Variants in SEMA3A observed in about 807,000 individuals in gnomAD.
SEMA3A encodes the protein semaphorin 3A.
In SEMA3A, 29 loss-of-function variants were observed where a neutral mutation model predicts 97.9. The observed-to-expected ratio is 0.30, with a 90% CI of 0.22 to 0.40. SEMA3A has a LOEUF of 0.40. Ranked by LOEUF, SEMA3A falls within the 10% of genes least tolerant of loss-of-function variation. The pLI, the probability that SEMA3A is intolerant of heterozygous loss-of-function variation, is 1.00. For synonymous variants in SEMA3A, 321 were observed against 323.7 expected (o/e 0.99, Z 0.09); for missense variants, 763 against 951.3 (o/e 0.80, Z 2.60).
At chr7:84,008,696 T>C (rs774293803) in intron 9 of SEMA3A, among the ~76,000 whole-genome samples, 2 of 152,154 alleles carry the variant, frequency 1.3e-5, no homozygotes, top group South Asian at 4.1e-4. Context: ...TAGTTTGTTA[T>C]TGGAAACTAC....
At chr7:84,128,757 A>G (rs946886839) in intron 3 of SEMA3A, among the ~76,000 whole-genome samples, 1 of 152,112 alleles carries the variant, frequency 6.6e-6, no homozygotes, top group Non-Finnish European at 1.5e-5. Context: ...AAATCCTGAA[A>G]TCTGCAATCC....
chr7:84,307,342 T>A (rs976798634), intron 2 of SEMA3A: 2 of 152,088 alleles, frequency 1.3e-5, no homozygotes, highest in Non-Finnish European at 2.9e-5. Context: ...AATCAAACAA[T>A]TACCAATCAA....
At chr7:84,113,391 T>A (rs1032540073) in intron 3 of SEMA3A, among the ~76,000 whole-genome samples, 1 of 152,184 alleles carries the variant, frequency 6.6e-6, no homozygotes, top group South Asian at 2.1e-4. Flanking sequence ...AAACAGGATA[T>A]TCATTTTATT....
intron 1 of SEMA3A, among the ~76,000 whole-genome samples, chr7:84,185,394 G>A (rs1797846567): frequency 6.6e-6 from 1 of 151,920 alleles, no homozygotes. Context: ...GGCTGGGTGT[G>A]GGTGTGGTGA....
chr7:84,103,197 C>A (rs1275454180), intron 4 of SEMA3A, among the ~76,000 whole-genome samples: 1 of 152,054 alleles, frequency 6.6e-6, no homozygotes, highest in African/African-American at 2.4e-5. Flanking sequence ...AATTCTCTCA[C>A]CATTTTTCTC....
At chr7:83,995,680 A>C (rs1790187407) in intron 12 of SEMA3A, among the ~76,000 whole-genome samples, 1 of 150,952 alleles carries the variant, frequency 6.6e-6, no homozygotes, top group Non-Finnish European at 1.5e-5. Context: ...AACTGGTTTC[A>C]GTTGCATTTA....
At position 84,265,950 on chromosome 7, in the gene SEMA3A, C is replaced by T. The variant is rs376414346; in HGVS notation, c.-83+41257G>A. Among the ~76,000 whole-genome samples the T allele has an allele frequency of 5.9e-5, 9 of 152,114 alleles. 1 individual carries two copies. Among genetic ancestry groups the T allele is most frequent in the Admixed American group, 1.3e-4 (2 of 15,258 alleles). ...TATGGCATGAATGACTTCTTAAATC[C>T]TAAAGAATTTGAATATAATTTAGTA... On this transcript the variant is annotated intron_variant, in intron 3 of 3. Coordinates refer to the SEMA3A transcript ENST00000424555.
intron 4 of SEMA3A, among the ~76,000 whole-genome samples, chr7:84,064,945 ACCC>A (rs1316649712): frequency 1.3e-5 from 2 of 152,246 alleles, no homozygotes; most frequent in African/African-American, 4.8e-5. Context: ...AGAACTCTCC[ACCC>A]CAAATCAACA....
At chr7:84,462,840 T>A (rs1003511417) in intron 1 of SEMA3A, among the ~76,000 whole-genome samples, 6 of 152,282 alleles carry the variant, frequency 3.9e-5, no homozygotes, top group African/African-American at 1.4e-4. Context: ...GATAGATAGA[T>A]AGATAGCAGT....
intron 14 of SEMA3A, among the ~76,000 whole-genome samples, chr7:83,977,541 T>C (rs910596236): frequency 6.6e-6 from 1 of 151,846 alleles, no homozygotes; most frequent in South Asian, 2.1e-4. Context: ...CTAACTTCTG[T>C]GGAAAAAGCA....
chr7:84,061,182 G>C (rs1005631259), intron 4 of SEMA3A, among the ~76,000 whole-genome samples: 1 of 152,194 alleles, frequency 6.6e-6, no homozygotes, highest in African/African-American at 2.4e-5. Flanking sequence ...TAGGAGAGCA[G>C]TGTGCCTGGA....
At chr7:84,265,617 T>C (rs1312491359) in intron 3 of SEMA3A, among the ~76,000 whole-genome samples, 1 of 150,900 alleles carries the variant, frequency 6.6e-6, no homozygotes, top group Non-Finnish European at 1.5e-5. Context: ...TTAACCAATA[T>C]TTTGAATGAA....
intron 1 of SEMA3A, among the ~76,000 whole-genome samples, chr7:84,140,537 TA>T (rs1267679963): frequency 9.9e-5 from 15 of 152,170 alleles, no homozygotes; most frequent in African/African-American, 3.6e-4. Flanking sequence ...TTGATGGCTT[TA>T]GGCTTATGTC....
intron 3 of SEMA3A, among the ~76,000 whole-genome samples, chr7:84,295,807 G>T (rs1418141680): frequency 6.6e-6 from 1 of 151,898 alleles, no homozygotes; most frequent in African/African-American, 2.4e-5. Flanking sequence ...CTTTCATTAT[G>T]ATTCCGAAAA....
intron 4 of SEMA3A, among the ~76,000 whole-genome samples, chr7:84,104,966 G>A (rs1395684118): frequency 2.0e-5 from 3 of 152,152 alleles, no homozygotes; most frequent in Admixed American, 1.3e-4. Context: ...AAACCACTAT[G>A]GACTTTAATC....
At chr7:84,188,439 A>G (rs990338690) in intron 1 of SEMA3A, among the ~76,000 whole-genome samples, 1 of 151,976 alleles carries the variant, frequency 6.6e-6, no homozygotes, top group Non-Finnish European at 1.5e-5. Flanking sequence ...GAATTTATTG[A>G]TTCTTCTATA....
intron 1 of SEMA3A, among the ~76,000 whole-genome samples, chr7:84,150,878 C>T (rs1220463482): frequency 9.2e-4 from 139 of 151,396 alleles, no homozygotes; most frequent in South Asian, 2.1e-3. Context: ...TCTCCCAGCA[C>T]GCAGCTGGAG....
At position 83,957,316 on chromosome 7, in the gene SEMA3A, T is replaced by C. The variant is rs749760212; in HGVS notation, c.*4055A>G. 7.9e-5 allele frequency: 12 copies of C among 152,142 alleles called. No individual in the cohort carries two copies. The highest frequency in any genetic ancestry group is 1.5e-4 in the Non-Finnish European group (10 of 68,000). The allele number at this position is 152,142 out of a possible 1,614,324, so 9.4% of individuals were successfully genotyped here. A position where few individuals can be genotyped will look rare whatever the true frequency, so the allele number is the denominator to read the frequency against. ...CTTTGAGAACAAGGGTTATGTCTTATTCACTTTAGTGTCCTCATCACCTAA... is the reference window on the plus strand; with the variant it reads ...CTTTGAGAACAAGGGTTATGTCTTACTCACTTTAGTGTCCTCATCACCTAA... On this transcript the variant is annotated 3_prime_UTR_variant, in exon 17 of 17. Transcript: ENST00000265362.
intron 15 of SEMA3A, among the ~76,000 whole-genome samples, chr7:83,969,366 C>T: frequency 6.7e-6 from 1 of 150,292 alleles, no homozygotes; most frequent in South Asian, 2.1e-4. Flanking sequence ...CAAAAAAAAT[C>T]TCTTTTTAGT....
Sources: allele counts gnomAD v4.1 joint callset (sites outside exome capture counted in the v4.1 genomes callset), GRCh38; gene constraint gnomAD v4.1.1; transcripts MANE v1.5; gene names NCBI Gene and HGNC (gene_info 2026-07-23, HGNC 2026-07-21).